The following OR9A4 variants were observed in gnomAD, a reference collection of about 807,000 sequenced individuals.
The protein encoded by OR9A4 is olfactory receptor 9A4.
OR9A4 carries 16 observed loss-of-function variants against 17.1 expected under a neutral mutation model. The ratio of observed to expected loss-of-function variants is 0.94; its 90% CI spans 0.64 to 1.43. OR9A4 has a LOEUF of 1.43. OR9A4 is among the 40% of genes most tolerant of loss of function. The pLI is 0.00. For missense variants in OR9A4, 392 were observed against 382.1 expected (o/e 1.03, Z -0.22); for synonymous variants, 167 against 143.3 (o/e 1.17, Z -1.18).
At chr7:141,918,220 C>T (rs939905833) in intron 1 of OR9A4, among the ~76,000 whole-genome samples, 1 of 152,186 alleles carries the variant, frequency 6.6e-6, no homozygotes, top group Non-Finnish European at 1.5e-5. Flanking sequence ...AATTCTCCTG[C>T]CTCAGCCTCC....
At position 141,919,658 on chromosome 7, in the gene OR9A4, A is replaced by G; in HGVS notation, c.783A>G (p.Lys261=). The change falls in exon 2 of 2, where the codon AAA becomes AAG. Residue 261 remains lysine, a synonymous_variant. Coordinates refer to ENST00000641559, the MANE Select transcript of OR9A4 (RefSeq NM_001001656.3). The part of the protein sequence containing the change: ...GYGSCLFLYV[K]PKQTQAADYN... Reference sequence around the variant, plus strand: ...GCAGCTGCTTGTTTCTCTACGTGAAACCCAAGCAAACGCAGGCAGCTGATT... The same window carrying G: ...GCAGCTGCTTGTTTCTCTACGTGAAGCCCAAGCAAACGCAGGCAGCTGATT... The G allele has an allele frequency of 1.2e-6, 2 of 1,613,962 alleles. No homozygotes were observed. Among genetic ancestry groups the G allele is most frequent in the South Asian group, 1.1e-5 (1 of 91,078 alleles).
chr7:141,916,954 C>T (rs150634758), intron 1 of OR9A4, among the ~76,000 whole-genome samples: 32 of 152,288 alleles, frequency 2.1e-4, no homozygotes, highest in South Asian at 4.2e-4. Flanking sequence ...AGAGAGATTG[C>T]AGGTTGACTT....
Position 141,919,132 on chromosome 7 carries a change from T to A in OR9A4, c.257T>A (p.Leu86His), listed in dbSNP as rs782475087. ...IVPVMLWGLL[L>H]PGMQTIYLSA... ...CCCGTGATGCTTTGGGGATTGCTGC[T>A]CCCTGGGATGCAGACAATATATTTG... is the stretch of plus-strand genomic sequence containing the variant. Residue 86 changes from leucine (L) to histidine (H), a missense_variant, in exon 2 of 2, where the codon CTC becomes CAC. Transcript: ENST00000641559. The A allele has an allele frequency of 6.2e-7, 1 of 1,614,186 alleles. No homozygotes were observed. The highest frequency in any genetic ancestry group is 1.7e-5 in the Admixed American group (1 of 60,024).
In OR9A4 at chr7:141,916,807, C is replaced by A. The variant is rs922943740; in HGVS notation, c.-31+171C>A. On this transcript the variant is annotated intron_variant, in intron 1 of 1. Transcript: ENST00000641559. ...TCTACAGCAAAGCCTGTCTCCAGAG[C>A]AGAGGGCAGAATCATTTCTTCTCTG... Among the ~76,000 whole-genome samples, 10 of 152,150 alleles carry A rather than the reference C, an allele frequency of 6.6e-5. No individual in the cohort carries two copies. The East Asian group carries it at 9.7e-4, about 15-fold the overall frequency.
In OR9A4 at chr7:141,919,511, C is replaced by T. The variant is rs74779554; in HGVS notation, c.636C>T (p.Ile212=). The T allele has an allele frequency of 6.2e-7, 1 of 1,614,042 alleles. No individual in the cohort carries two copies. The highest frequency in any genetic ancestry group is 8.5e-7 in the Non-Finnish European group (1 of 1,180,006). Residue 212 remains isoleucine (I), a synonymous_variant, in exon 2 of 2, where the codon ATC becomes ATT. Transcript: ENST00000641559. ...MAVFVLFGSL[I]PTIVSNAYII... is the part of the protein sequence containing the mutation. ...TTTTTGTTCTCTTTGGTTCTTTGAT[C>T]CCTACAATTGTCTCCAACGCCTACA... is the stretch of plus-strand genomic sequence containing the variant.
intron 1 of OR9A4, 21 bp downstream of exon 1, chr7:141,916,657 G>T (rs78667745): frequency 0.013 from 1,997 of 152,394 alleles, 31 homozygotes; most frequent in South Asian, 0.052. Context: ...TCCAGAGGGG[G>T]TTCCTTTCTG....
intron 1 of OR9A4, 35 bp from the exon 2 acceptor site, chr7:141,918,811 G>A (rs1044053721): frequency 1.7e-6 from 2 of 1,195,108 alleles, no homozygotes; most frequent in African/African-American, 1.5e-5. Context: ...AATCTTTTTA[G>A]GATAAGCGGT....
intron 1 of OR9A4, among the ~76,000 whole-genome samples, chr7:141,917,118 C>A (rs1554438834): frequency 6.6e-6 from 1 of 152,062 alleles, no homozygotes; most frequent in East Asian, 1.9e-4. Flanking sequence ...GTTCTTGGCA[C>A]TGGTAATACA....
Position 141,919,665 on chromosome 7 carries a change from C to A in OR9A4, c.790C>A (p.Gln264Lys). Residue 264 changes from glutamine (Q) to lysine (K), a missense_variant, in exon 2 of 2, where the codon CAA (glutamine) becomes AAA (lysine). By Grantham distance (53) the Gln-to-Lys change is moderately conservative (BLOSUM62 1). Coordinates refer to ENST00000641559, the MANE Select transcript of OR9A4 (RefSeq NM_001001656.3). ...CTTGTTTCTCTACGTGAAACCCAAG[C>A]AAACGCAGGCAGCTGATTACAATTG... ...SCLFLYVKPK[Q>K]TQAADYNWVV... The A allele has an allele frequency of 6.2e-7, 1 of 1,614,138 alleles. No individual in the cohort carries two copies. The highest frequency in any genetic ancestry group is 2.2e-5 in the East Asian group (1 of 44,884).
intron 1 of OR9A4, among the ~76,000 whole-genome samples, chr7:141,917,011 T>G (rs1027029592): frequency 6.6e-5 from 10 of 152,164 alleles, no homozygotes; most frequent in African/African-American, 2.4e-4. Context: ...TCAGGCTGTA[T>G]AGTCCTTGTT....
chr7:141,919,116 C>A lies in OR9A4; in HGVS notation c.241C>A (p.Leu81Ile). The A allele has an allele frequency of 1.2e-6, 2 of 1,614,132 alleles. No individual in the cohort carries two copies. The highest frequency in any genetic ancestry group is 1.7e-6 in the Non-Finnish European group (2 of 1,180,016). The change falls in exon 2 of 2, where the codon CTT (leucine) becomes ATT (isoleucine). Residue 81 changes from leucine (L) to isoleucine (I), a missense_variant. Physicochemically the swap from Leu to Ile is conservative, Grantham distance 5. Transcript: ENST00000641559. The part of the protein sequence containing the change: ...LVTTIIVPVM[L>I]WGLLLPGMQT... Reference sequence around the variant, plus strand: ...CACAACCATAATCGTCCCCGTGATGCTTTGGGGATTGCTGCTCCCTGGGAT... The same window carrying A: ...CACAACCATAATCGTCCCCGTGATGATTTGGGGATTGCTGCTCCCTGGGAT...
At chr7:141,918,801 A>T in intron 1 of OR9A4, 45 bp from the exon 2 acceptor site, 2 of 1,111,068 alleles carry the variant, frequency 1.8e-6, no homozygotes, top group Non-Finnish European at 1.3e-6. Context: ...AAATGTCCTT[A>T]ATCTTTTTAG....
Position 141,919,224 on chromosome 7 carries a change from G to C in OR9A4, c.349G>C (p.Ala117Pro), listed in dbSNP as rs368213914. ...GACAACAGAGTTCGCATTACTTGGA[G>C]CAATGGCTGTGGACCGTTATGTGGC... Reference protein sequence around the residue: ...VGTTEFALLGAMAVDRYVAVC... With the variant: ...VGTTEFALLGPMAVDRYVAVC... The change falls in exon 2 of 2, where the codon GCA becomes CCA. Residue 117 changes from alanine to proline, a missense_variant. Coordinates refer to ENST00000641559, the MANE Select transcript of OR9A4 (RefSeq NM_001001656.3). 4 of 1,613,986 alleles carry C rather than the reference G, an allele frequency of 2.5e-6. No individual in the cohort carries two copies. The highest frequency in any genetic ancestry group is 1.1e-5 in the South Asian group (1 of 91,084).
rs1467462941 is a variant in OR9A4, at chr7:141,918,824, T to TTC, written c.-30-14_-30-13dup. 22 of 1,323,502 alleles carry TTC rather than the reference T, an allele frequency of 1.7e-5. No homozygotes were observed. The African/African-American group carries it at 3.1e-4, about 19-fold the overall frequency. 82.0% of individuals were successfully genotyped at this position (1,323,502 alleles called of 1,614,324 possible). ...TTAATCTTTTTAGGATAAGCGGTTGTTCTCTCTCTTTTGCTCTCTAGATTT... is the reference window on the plus strand; with the variant it reads ...TTAATCTTTTTAGGATAAGCGGTTGTTCTCTCTCTCTTTTGCTCTCTAGATTT... On this transcript the variant is annotated intron_variant, in intron 1 of 1. Coordinates refer to ENST00000641559, the MANE Select transcript of OR9A4 (RefSeq NM_001001656.3).
Position 141,919,794 on chromosome 7 carries a change from CGCT to C in OR9A4, c.924_926del (p.Cys309del). ...AGAGGCCCTTCGGGATGGGGTGAAA[CGCT>C]GCTGTCAACTATTCAGGAATTAGCC... On this transcript the variant is annotated inframe_deletion, in exon 2 of 2. Coordinates refer to ENST00000641559, the MANE Select transcript of OR9A4 (RefSeq NM_001001656.3). 5.0e-6 allele frequency: 8 copies of C among 1,612,700 alleles called. No individual in the cohort carries two copies. Among genetic ancestry groups the C allele is most frequent in the Non-Finnish European group, 6.8e-6 (8 of 1,178,988 alleles).
chr7:141,919,002 G>T lies in OR9A4; in HGVS notation c.127G>T (p.Val43Phe), dbSNP rs377610068. The T allele has an allele frequency of 1.9e-5, 30 of 1,613,992 alleles. No individual in the cohort carries two copies. Among genetic ancestry groups the T allele is most frequent in the Non-Finnish European group, 2.4e-5 (28 of 1,180,034 alleles). ...CTTGGTGACATTAATGGGAAACACA[G>T]TCATCATCATGATTGTCTGTGTGGA... is the stretch of plus-strand genomic sequence containing the variant. ...FYLVTLMGNT[V>F]IIMIVCVDKR... Residue 43 changes from valine (V) to phenylalanine (F), a missense_variant, in exon 2 of 2, where the codon GTC becomes TTC. Transcript: ENST00000641559.
At chr7:141,917,069 A>G (rs2128958354) in intron 1 of OR9A4, among the ~76,000 whole-genome samples, 1 of 152,274 alleles carries the variant, frequency 6.6e-6, no homozygotes, top group Non-Finnish European at 1.5e-5. Flanking sequence ...ATATTCATTT[A>G]AAATACAGAG....
At position 141,920,416 on chromosome 7, in the gene OR9A4, A is replaced by C. The variant is rs1802262386; in HGVS notation, c.*596A>C. On this transcript the variant is annotated 3_prime_UTR_variant, in exon 2 of 2. Coordinates refer to ENST00000641559, the MANE Select transcript of OR9A4 (RefSeq NM_001001656.3). ...TGCAGGAGTGTTGAAATTTCAAATA[A>C]GGTTTTCAGGGAAGGATTGAGAGAG... 1.3e-5 allele frequency: 2 copies of C among 152,570 alleles called. No individual in the cohort carries two copies. The highest frequency in any genetic ancestry group is 1.3e-4 in the Admixed American group (2 of 15,276). 9.5% of individuals were successfully genotyped at this position (152,570 alleles called of 1,614,324 possible). A position where few individuals can be genotyped will look rare whatever the true frequency, so the allele number is the denominator to read the frequency against.
Position 141,919,752 on chromosome 7 carries a change from C to G in OR9A4, c.877C>G (p.Arg293Gly). The G allele has an allele frequency of 6.2e-7, 1 of 1,614,132 alleles. No individual in the cohort carries two copies. The highest frequency in any genetic ancestry group is 1.1e-5 in the South Asian group (1 of 91,090). The stretch of plus-strand genomic sequence containing the variant: ...CCTCAATCCTTTCATCTTCACCCTC[C>G]GGAATGATAAAGTCATAGAGGCCCT... ...PFLNPFIFTL[R>G]NDKVIEALRD... Residue 293 changes from arginine to glycine, a missense_variant, in exon 2 of 2, where the codon CGG becomes GGG. By Grantham distance (125) the Arg-to-Gly change is moderately radical (BLOSUM62 -2). Coordinates refer to ENST00000641559, the MANE Select transcript of OR9A4 (RefSeq NM_001001656.3).
Sources: gnomAD v4.1 joint callset for allele counts (sites outside exome capture counted in the v4.1 genomes callset) on GRCh38, gnomAD v4.1.1 for gene constraint, MANE v1.5 for transcripts, NCBI Gene and HGNC (gene_info 2026-07-23, HGNC 2026-07-21) for gene names.